Variants in EXOC3L4 observed in about 807,000 individuals in gnomAD.
EXOC3L4 encodes the protein exocyst complex component 3-like protein 4.
In EXOC3L4, 62 loss-of-function variants were observed where a neutral mutation model predicts 69.7. The observed-to-expected ratio is 0.89, with a 90% confidence interval of 0.72 to 1.10. The LOEUF (loss-of-function observed/expected upper bound fraction) is 1.10, where lower values mean the gene tolerates loss of function less well. EXOC3L4 is among the 50% of genes least tolerant of loss of function. EXOC3L4 has a pLI of 0.00. For synonymous variants in EXOC3L4, 502 were observed against 464.2 expected (o/e 1.08, Z -1.05); for missense variants, 1,087 against 1,034.8 (o/e 1.05, Z -0.69).
Position 103,110,020 on chromosome 14 carries a change from T to A in EXOC3L4, c.1977-11T>A, listed in dbSNP as rs956667063. 6.3e-7 allele frequency: 1 copy of A among 1,582,952 alleles called. No individual in the cohort carries two copies. Among genetic ancestry groups the A allele is most frequent in the Non-Finnish European group, 8.6e-7 (1 of 1,166,376 alleles). ...TGTAGGTCTGCAGTGAGTGCCCGCA[T>A]GTCTCTGCAGGCGGGACCACATACT... On this transcript the variant is annotated splice_polypyrimidine_tract_variant and intron_variant, in intron 11 of 11. Coordinates refer to ENST00000688303, the MANE Select transcript of EXOC3L4 (RefSeq NM_001077594.2).
rs766367038 is a variant in EXOC3L4 at position 103,100,604 on chromosome 14, C to G, written c.385C>G (p.Pro129Ala). The change falls in exon 2 of 12, where the codon CCC becomes GCC. Residue 129 changes from proline (P) to alanine (A), a missense_variant. By Grantham distance (27) the Pro-to-Ala change is conservative (BLOSUM62 -1). Transcript: ENST00000688303. Reference sequence around the variant, plus strand: ...TGGGGCAGCGTCTGAGGAACTGAAACCCGAGGCAGGTAAGGGCCTCAGAAA... The same window carrying G: ...TGGGGCAGCGTCTGAGGAACTGAAAGCCGAGGCAGGTAAGGGCCTCAGAAA... ...STGAASEELK[P>A]EAEGKSVADL... 1.2e-6 allele frequency: 2 copies of G among 1,602,480 alleles called. No homozygotes were observed. The highest frequency in any genetic ancestry group is 8.5e-7 in the Non-Finnish European group (1 of 1,171,618).
At chr14:103,107,817 C>T (rs1380891216) in intron 10 of EXOC3L4, 34 bp downstream of exon 10, 1 of 1,477,980 alleles carries the variant, frequency 6.8e-7, no homozygotes, top group Non-Finnish European at 9.0e-7. Context: ...CGGTGCTCGC[C>T]TCTGTGTGGG....
chr14:103,103,219 G>C (rs1295420955), intron 3 of EXOC3L4, among the ~76,000 whole-genome samples: 1 of 152,104 alleles, frequency 6.6e-6, no homozygotes, highest in Non-Finnish European at 1.5e-5. Flanking sequence ...GCCGGGCATG[G>C]TGGCACGCAC....
At chr14:103,099,804 A>ATGTT (rs771806683) in intron 1 of EXOC3L4, among the ~76,000 whole-genome samples, 7 of 152,270 alleles carry the variant, frequency 4.6e-5, no homozygotes, top group East Asian at 3.9e-4. Flanking sequence ...AACATCTGGG[A>ATGTT]AGGCCTAGAT....
In EXOC3L4 at chr14:103,104,352, G is replaced by A. The variant is rs1441124931; in HGVS notation, c.1247G>A (p.Gly416Asp). Residue 416 changes from glycine (G) to aspartate (D), a missense_variant, in exon 5 of 12, where the codon GGC becomes GAC. Coordinates refer to ENST00000688303, the MANE Select transcript of EXOC3L4 (RefSeq NM_001077594.2). ...GCCGAGGTCCCCGAGGTGCTGCAGG[G>A]CCTCTACCAGGCGCCGCTGTCCATG... The part of the protein sequence containing the change: ...AAAEVPEVLQ[G>D]LYQAPLSMDV... 9.4e-6 allele frequency: 15 copies of A among 1,589,360 alleles called. 1 individual carries two copies. The highest frequency in any genetic ancestry group is 1.1e-5 in the South Asian group (1 of 87,266).
Position 103,102,681 on chromosome 14 carries a change from G to C in EXOC3L4, c.958G>C (p.Val320Leu). ...EVYLRAFHSA[V>L]AQRLQELARD... ...CTATCTGCGTGCCTTCCACAGCGCCGTGGCCCAGCGCCTCCAGGAGCTCGC... is the reference window on the plus strand; with the variant it reads ...CTATCTGCGTGCCTTCCACAGCGCCCTGGCCCAGCGCCTCCAGGAGCTCGC... The change falls in exon 3 of 12, where the codon GTG (valine) becomes CTG (leucine). Residue 320 changes from valine (V) to leucine (L), a missense_variant. By Grantham distance (32) the Val-to-Leu change is conservative. Transcript: ENST00000688303. The C allele has an allele frequency of 6.7e-7, 1 of 1,487,976 alleles. No individual in the cohort carries two copies. The highest frequency in any genetic ancestry group is 8.9e-7 in the Non-Finnish European group (1 of 1,124,130). The allele number at this position is 1,487,976 out of a possible 1,614,324, so 92.2% of individuals were successfully genotyped here. A position where few individuals can be genotyped will look rare whatever the true frequency, so the allele number is the denominator to read the frequency against.
At chr14:103,107,355 G>A (rs1188228756) in intron 8 of EXOC3L4, 69 bp from the exon 9 acceptor site, 3 of 1,571,086 alleles carry the variant, frequency 1.9e-6, no homozygotes, top group Non-Finnish European at 2.6e-6. Flanking sequence ...TGGCACACTG[G>A]GCTTCGAGGG....
In EXOC3L4 at chr14:103,100,283, C is replaced by A. The variant is rs866225499; in HGVS notation, c.64C>A (p.Pro22Thr). 3 of 1,578,378 alleles carry A rather than the reference C, an allele frequency of 1.9e-6. No homozygotes were observed. Among genetic ancestry groups the A allele is most frequent in the Admixed American group, 3.7e-5 (2 of 54,324 alleles). The part of the protein sequence containing the change: ...ELQSPKEAEE[P>T]QTPAQGSRRT... ...GCAGAGTCCCAAGGAGGCTGAGGAG[C>A]CACAGACTCCAGCTCAGGGCTCCCG... is the stretch of plus-strand genomic sequence containing the variant. Residue 22 changes from proline to threonine, a missense_variant, in exon 2 of 12, where the codon CCA (proline) becomes ACA (threonine). Pro to Thr is a conservative substitution (Grantham distance 38). Transcript: ENST00000688303.
intron 3 of EXOC3L4, 162 bp from the exon 4 acceptor site, chr14:103,103,779 A>G (rs1202797729): frequency 4.0e-6 from 2 of 503,088 alleles, no homozygotes; most frequent in South Asian, 2.6e-5. Context: ...GTGGCATGGC[A>G]GCCTAGAGGC....
At chr14:103,096,513 C>G (rs1267821956) in intron 1 of EXOC3L4, among the ~76,000 whole-genome samples, 1 of 151,488 alleles carries the variant, frequency 6.6e-6, no homozygotes, top group East Asian at 1.9e-4. Flanking sequence ...GGTTTATATC[C>G]CGATCATTGT....
chr14:103,101,762 C>A (rs1366661424), intron 2 of EXOC3L4, among the ~76,000 whole-genome samples: 2 of 152,212 alleles, frequency 1.3e-5, no homozygotes, highest in Admixed American at 6.5e-5. Flanking sequence ...ACACGCCCTG[C>A]CTGAGCTCCG....
chr14:103,104,980 A>G lies in EXOC3L4; in HGVS notation c.1386-12A>G. 6.2e-7 allele frequency: 1 copy of G among 1,611,190 alleles called. No individual in the cohort carries two copies. The highest frequency in any genetic ancestry group is 8.5e-7 in the Non-Finnish European group (1 of 1,177,982). ...GGGAGGGTCCCCAAAGGCTCTGTGT[A>G]TCCCGCCCCAGGTTTGAAAAGGCTT... On this transcript the variant is annotated splice_polypyrimidine_tract_variant and intron_variant, in intron 6 of 11. Transcript: ENST00000688303.
chr14:103,108,479 G>C lies in EXOC3L4; in HGVS notation c.1938G>C (p.Arg646=), dbSNP rs777165139. 6.2e-7 allele frequency: 1 copy of C among 1,613,816 alleles called. No individual in the cohort carries two copies. The highest frequency in any genetic ancestry group is 8.5e-7 in the Non-Finnish European group (1 of 1,179,888). The part of the protein sequence containing the change: ...LGETYKDDIQ[R]HLETLIRSYP... ...AGACCTACAAAGATGACATCCAGCGGCACCTGGAGACTCTTATCCGGAGCT... is the reference window on the plus strand; with the variant it reads ...AGACCTACAAAGATGACATCCAGCGCCACCTGGAGACTCTTATCCGGAGCT... The change falls in exon 11 of 12, where the codon CGG becomes CGC. Residue 646 remains arginine, a synonymous_variant. Transcript: ENST00000688303.
intron 1 of EXOC3L4, among the ~76,000 whole-genome samples, chr14:103,098,384 G>A (rs1889993496): frequency 6.9e-6 from 1 of 145,544 alleles, no homozygotes; most frequent in Non-Finnish European, 1.5e-5. Context: ...CTCCAAGCAG[G>A]CTCCCCAGCC....
chr14:103,097,102 G>C lies in EXOC3L4; in HGVS notation c.-17+2262G>C, dbSNP rs1185736330. Among the ~76,000 whole-genome samples, 1 of 127,128 alleles carries C rather than the reference G, an allele frequency of 7.9e-6. No homozygotes were observed. Among genetic ancestry groups the C allele is most frequent in the South Asian group, 2.8e-4 (1 of 3,610 alleles). The allele number at this position is 127,128 out of a possible 152,430, so 83.4% of individuals were successfully genotyped here. On this transcript the variant is annotated intron_variant, in intron 1 of 11. Coordinates refer to ENST00000688303, the MANE Select transcript of EXOC3L4 (RefSeq NM_001077594.2). This position sits in a 1 kb window ranked among gnomAD's most constrained non-coding sequence, Gnocchi z 4.9. Reference sequence around the variant, plus strand: ...CAGCTACGGGAGGGAAGGTCTAGGGGAAAGCGGGGAGTAGAAGCTGAGGCT... The same window carrying C: ...CAGCTACGGGAGGGAAGGTCTAGGGCAAAGCGGGGAGTAGAAGCTGAGGCT...
chr14:103,105,237 G>C (rs1471739761), intron 7 of EXOC3L4, among the ~76,000 whole-genome samples, 165 bp downstream of exon 7: 7 of 148,706 alleles, frequency 4.7e-5, no homozygotes, highest in Non-Finnish European at 7.6e-5. Context: ...GTGTGTGTGC[G>C]TGTGTGTGTA....
chr14:103,104,034 C>G lies in EXOC3L4; in HGVS notation c.1143C>G (p.Asp381Glu), dbSNP rs1890381980. Residue 381 changes from aspartate to glutamate, a missense_variant, in exon 4 of 12, where the codon GAC becomes GAG. Physicochemically the swap from Asp to Glu is conservative, Grantham distance 45. Coordinates refer to ENST00000688303, the MANE Select transcript of EXOC3L4 (RefSeq NM_001077594.2). Reference sequence around the variant, plus strand: ...ACGTGTGGGCCCGACTGGAGAGCGACTACACCAGCTTCCTGGAGGTCAGGC... The same window carrying G: ...ACGTGTGGGCCCGACTGGAGAGCGAGTACACCAGCTTCCTGGAGGTCAGGC... ...APDVWARLES[D>E]YTSFLEAKIA... 12 of 1,576,100 alleles carry G rather than the reference C, an allele frequency of 7.6e-6. No individual in the cohort carries two copies. Among genetic ancestry groups the G allele is most frequent in the Non-Finnish European group, 9.4e-6 (11 of 1,165,566 alleles).
rs530317957 is a variant in EXOC3L4 at position 103,105,255 on chromosome 14, TG to T, written c.1466+189del. 4.0e-3 allele frequency among the ~76,000 whole-genome samples: 572 copies of T among 144,758 alleles called. 2 individuals carry two copies. Among genetic ancestry groups the T allele is most frequent in the Middle Eastern group, 0.022 (6 of 272 alleles). The allele number at this position is 144,758 out of a possible 152,430, so 95.0% of individuals were successfully genotyped here. A position where few individuals can be genotyped will look rare whatever the true frequency, so the allele number is the denominator to read the frequency against. ...TGTGTGCGTGTGTGTGTAGCAGAGT[TG>T]GGGGGTGTGTGTGCGTGTGTGATGG... On this transcript the variant is annotated intron_variant, in intron 7 of 11. Transcript: ENST00000688303.
intron 1 of EXOC3L4, among the ~76,000 whole-genome samples, chr14:103,095,319 T>C (rs376557507): frequency 6.6e-6 from 1 of 152,146 alleles, no homozygotes; most frequent in Non-Finnish European, 1.5e-5. Flanking sequence ...GCCTTGCGGG[T>C]CTCCTGGTCT....
Sources: allele counts gnomAD v4.1 joint callset (sites outside exome capture counted in the v4.1 genomes callset), GRCh38; gene constraint gnomAD v4.1.1; non-coding constraint Gnocchi (gnomAD v3.1); transcripts MANE v1.5; gene names NCBI Gene and HGNC (gene_info 2026-07-23, HGNC 2026-07-21).